Variants in COL15A1 observed in about 807,000 individuals in gnomAD.
COL15A1 encodes collagen alpha-1(XV) chain.
A neutral mutation model predicts 165.9 loss-of-function variants in COL15A1; 111 were observed. The observed-to-expected ratio is 0.67, with a 90% CI of 0.57 to 0.78. The LOEUF (loss-of-function observed/expected upper bound fraction) is 0.78. Among genes scored for constraint, COL15A1 ranks in the 30% least tolerant of loss-of-function variants. The pLI, the probability that COL15A1 is intolerant of heterozygous loss-of-function variation, is 0.00. For missense variants in COL15A1, 1,745 were observed against 1,789.7 expected (o/e 0.98, Z 0.45); for synonymous variants, 659 against 674.8 (o/e 0.98, Z 0.36).
intron 35 of COL15A1, 31 bp from the exon 36 acceptor site, chr9:99,059,858 T>C: frequency 6.2e-7 from 1 of 1,612,228 alleles, no homozygotes; most frequent in South Asian, 1.1e-5. Flanking sequence ...GTGTGGTTTT[T>C]GTGTAACTTC....
chr9:98,991,587 C>T (rs1393083468), intron 5 of COL15A1, among the ~76,000 whole-genome samples: 1 of 152,076 alleles, frequency 6.6e-6, no homozygotes, highest in Non-Finnish European at 1.5e-5. Context: ...TCCAAGTCCC[C>T]ACTAGATTAG....
chr9:99,003,494 CA>C lies in COL15A1; in HGVS notation c.1108del (p.Ser370AlafsTer39). Reference protein sequence around the residue: ...TAAGLAEVPISTAGEAEASSV... With the variant: ...TAAGLAEVPIXTAGEAEASSV... The stretch of plus-strand genomic sequence containing the variant: ...CAGCGGGGCTGGCCGAGGTGCCCAT[CA>C]GCACTGCTGGAGAAGCAGAGGCCAG... On this transcript the variant is annotated frameshift_variant, in exon 8 of 42. Coordinates refer to ENST00000375001, the MANE Select transcript of COL15A1 (RefSeq NM_001855.5). LOFTEE classifies it high-confidence loss of function. 1 of 1,561,292 alleles carries C rather than the reference CA, an allele frequency of 6.4e-7. No homozygotes were observed. The highest frequency in any genetic ancestry group is 8.7e-7 in the Non-Finnish European group (1 of 1,153,550).
chr9:98,944,409 C>T (rs1837542088), intron 2 of COL15A1, among the ~76,000 whole-genome samples, 159 bp downstream of exon 2: 1 of 152,234 alleles, frequency 6.6e-6, no homozygotes, highest in African/African-American at 2.4e-5. Flanking sequence ...CGGCTACCTC[C>T]TGGCAGTGCA....
intron 2 of COL15A1, among the ~76,000 whole-genome samples, chr9:98,961,607 G>T (rs1837866259): frequency 6.6e-6 from 1 of 152,200 alleles, no homozygotes. Flanking sequence ...TTTCTGGGAT[G>T]AAAGCAGGGC....
At chr9:98,983,014 T>A (rs1191887375) in intron 2 of COL15A1, among the ~76,000 whole-genome samples, 3 of 152,164 alleles carry the variant, frequency 2.0e-5, no homozygotes, top group South Asian at 4.1e-4. Context: ...AACAACGCTA[T>A]AGGCTAATTA....
In COL15A1 at chr9:99,047,945, G is replaced by A. The variant is rs376526167; in HGVS notation, c.2738G>A (p.Arg913His). 4.9e-5 allele frequency: 79 copies of A among 1,607,822 alleles called. No homozygotes were observed. The highest frequency in any genetic ancestry group is 4.8e-4 in the African/African-American group (36 of 74,690). ...GGTGTCTGCTGTGGGTTCCAGGGTC[G>A]CCCAGGACTGAATGGCCTCAAGGGT... is the stretch of plus-strand genomic sequence containing the variant. ...GEFGLPGRPG[R>H]PGLNGLKGTK... Residue 913 changes from arginine (R) to histidine (H), a missense_variant, in exon 28 of 42, where the codon CGC becomes CAC. By Grantham distance (29) the Arg-to-His change is conservative. Transcript: ENST00000375001.
At position 99,023,460 on chromosome 9, in the gene COL15A1, A is replaced by G. The variant is rs1038684266; in HGVS notation, c.1854+11A>G. ...GAGCAGCTGCTGAGAGTGAGTGTGAAGGAGGACACGACCTGGTGTCTGGGA... is the reference window on the plus strand; with the variant it reads ...GAGCAGCTGCTGAGAGTGAGTGTGAGGGAGGACACGACCTGGTGTCTGGGA... On this transcript the variant is annotated intron_variant, in intron 14 of 41. Coordinates refer to ENST00000375001, the MANE Select transcript of COL15A1 (RefSeq NM_001855.5). 1.7e-6 allele frequency: 2 copies of G among 1,189,568 alleles called. No individual in the cohort carries two copies. The highest frequency in any genetic ancestry group is 1.5e-5 in the African/African-American group (1 of 66,350). The allele number at this position is 1,189,568 out of a possible 1,614,324, so 73.7% of individuals were successfully genotyped here.
intron 24 of COL15A1, 29 bp from the exon 25 acceptor site, chr9:99,044,539 A>G (rs780412162): frequency 6.8e-6 from 11 of 1,611,106 alleles, no homozygotes; most frequent in Non-Finnish European, 9.3e-6. Flanking sequence ...AGGAGTCCTG[A>G]CTTCATTGAG....
At chr9:99,025,629 A>G (rs1270587555) in intron 15 of COL15A1, among the ~76,000 whole-genome samples, 1 of 152,198 alleles carries the variant, frequency 6.6e-6, no homozygotes, top group African/African-American at 2.4e-5. Flanking sequence ...GGCCTGGGGT[A>G]GGAGACCCTT....
rs536385671 is a variant in COL15A1 at position 99,010,192 on chromosome 9, G to T, written c.1353+5142G>T. Among the ~76,000 whole-genome samples the T allele has an allele frequency of 2.6e-5, 4 of 152,244 alleles. No individual in the cohort carries two copies. The South Asian group carries it at 8.3e-4, about 32-fold the overall frequency. On this transcript the variant is annotated intron_variant, in intron 9 of 41. Coordinates refer to ENST00000375001, the MANE Select transcript of COL15A1 (RefSeq NM_001855.5). The stretch of plus-strand genomic sequence containing the variant: ...AGTGTTTAAGATTTAGCAGGACTTG[G>T]TGTCCTTCTTAGACCCAGGAATCAA...
chr9:99,034,457 T>A, intron 16 of COL15A1, 92 bp from the exon 17 acceptor site: 1 of 1,496,212 alleles, frequency 6.7e-7, no homozygotes, highest in Non-Finnish European at 8.9e-7. Context: ...AATATCCTAT[T>A]TCCTTGGAGT....
intron 2 of COL15A1, among the ~76,000 whole-genome samples, chr9:98,948,412 C>T (rs1296411304): frequency 6.6e-6 from 1 of 152,068 alleles, no homozygotes; most frequent in Non-Finnish European, 1.5e-5. Context: ...TCCTAGCTAA[C>T]ACGGTGAAAC....
At chr9:98,969,230 G>A (rs1564017576) in intron 2 of COL15A1, among the ~76,000 whole-genome samples, 1 of 152,208 alleles carries the variant, frequency 6.6e-6, no homozygotes, top group South Asian at 2.1e-4. Flanking sequence ...GAAGGCTAAT[G>A]TCACTGATAA....
At chr9:98,968,814 G>A (rs1043358841) in intron 2 of COL15A1, among the ~76,000 whole-genome samples, 4 of 152,096 alleles carry the variant, frequency 2.6e-5, no homozygotes, top group Non-Finnish European at 4.4e-5. Context: ...CGGGGGCGGG[G>A]AAGGAGGAGT....
chr9:98,996,834 C>G (rs1052651872), intron 5 of COL15A1, 100 bp from the exon 6 acceptor site: 2 of 1,529,818 alleles, frequency 1.3e-6, no homozygotes, highest in African/African-American at 2.7e-5. Context: ...GTTTATTCAG[C>G]ATCTTGTGGA....
intron 3 of COL15A1, chr9:98,986,469 A>G (rs941799156): frequency 3.1e-5 from 6 of 194,356 alleles, no homozygotes; most frequent in Non-Finnish European, 6.3e-5. Flanking sequence ...AAGGTTTGTT[A>G]TAGCCCTAAA....
chr9:98,971,503 GC>G (rs1838052193), intron 2 of COL15A1, among the ~76,000 whole-genome samples: 1 of 151,982 alleles, frequency 6.6e-6, no homozygotes, highest in Non-Finnish European at 1.5e-5. Context: ...CTTCCCAGAT[GC>G]CCATGGGTGC....
intron 17 of COL15A1, 123 bp from the exon 18 acceptor site, chr9:99,034,891 A>G: frequency 1.1e-6 from 1 of 950,078 alleles, no homozygotes. Flanking sequence ...ATTAAGTGGT[A>G]CCGATCAGAG....
At chr9:99,042,172 C>A in intron 24 of COL15A1, 65 bp downstream of exon 24, 3 of 1,094,464 alleles carry the variant, frequency 2.7e-6, no homozygotes, top group South Asian at 2.8e-5. Context: ...TTCAGATTGG[C>A]TGAAAATAGC....
Sources: allele counts gnomAD v4.1 joint callset (sites outside exome capture counted in the v4.1 genomes callset), GRCh38; gene constraint gnomAD v4.1.1; transcripts MANE v1.5; gene names NCBI Gene and HGNC (gene_info 2026-07-23, HGNC 2026-07-21).